The following COL4A5 variants were observed in gnomAD, a reference collection of about 807,000 sequenced individuals.
COL4A5 encodes collagen type IV alpha 5 chain.
A neutral mutation model predicts 130.2 loss-of-function variants in COL4A5; 26 were observed. The observed-to-expected ratio is 0.20, with a 90% CI of 0.15 to 0.28. The LOEUF (loss-of-function observed/expected upper bound fraction) is 0.28. Among genes scored for constraint, COL4A5 ranks in the 10% least tolerant of loss-of-function variants. The pLI is 1.00. For missense variants in COL4A5, 1,131 were observed against 1,344.3 expected (o/e 0.84, Z 2.48); for synonymous variants, 496 against 439.6 (o/e 1.13, Z -1.60).
intron 9 of COL4A5, among the ~76,000 whole-genome samples, chrX:108,574,112 A>G (rs2066108554): frequency 8.9e-6 from 1 of 111,775 alleles, no homozygotes; most frequent in African/African-American, 3.2e-5. Context: ...TAAGAAAAAA[A>G]TTTTAGCCTA....
At chrX:108,591,385 G>T (rs1808497889) in intron 20 of COL4A5, among the ~76,000 whole-genome samples, 154 bp downstream of exon 20, 1 of 112,707 alleles carries the variant, frequency 8.9e-6, no homozygotes, top group Non-Finnish European at 1.9e-5. Context: ...GTAGTTCTTG[G>T]ATGTTTACAT....
At chrX:108,619,865 T>G (rs1056841579) in intron 30 of COL4A5, among the ~76,000 whole-genome samples, 2 of 112,494 alleles carry the variant, frequency 1.8e-5, no homozygotes, top group Non-Finnish European at 3.8e-5. Flanking sequence ...AATAAGCATT[T>G]AGAAACTTTT....
At chrX:108,599,956 A>G (rs889853622) in intron 25 of COL4A5, among the ~76,000 whole-genome samples, 1 of 112,330 alleles carries the variant, frequency 8.9e-6, no homozygotes, top group African/African-American at 3.2e-5. Context: ...ATCCAGACCA[A>G]TTGTACCAAT....
intron 4 of COL4A5, among the ~76,000 whole-genome samples, chrX:108,565,362 GAAC>G (rs2065951962): frequency 1.8e-5 from 2 of 111,898 alleles, no homozygotes; most frequent in South Asian, 3.8e-4. Context: ...CTTCAAAAAT[GAAC>G]AACATTTTGA....
At chrX:108,530,573 G>A (rs1255354395) in intron 1 of COL4A5, among the ~76,000 whole-genome samples, 16 of 100,069 alleles carry the variant, frequency 1.6e-4, no homozygotes, top group Non-Finnish European at 2.6e-4. Context: ...CTCAAAAGAA[G>A]ACATTTATGC....
At chrX:108,533,551 G>A (rs1324457374) in intron 1 of COL4A5, among the ~76,000 whole-genome samples, 1 of 110,789 alleles carries the variant, frequency 9.0e-6, no homozygotes, top group Non-Finnish European at 1.9e-5. Flanking sequence ...AAAATTTTAT[G>A]TAAATATAAG....
At chrX:108,635,432 A>C (rs772628116) in intron 36 of COL4A5, among the ~76,000 whole-genome samples, 20 of 111,833 alleles carry the variant, frequency 1.8e-4, no homozygotes, top group Admixed American at 5.7e-4. Flanking sequence ...ACTCTATGGA[A>C]CTATATGAAT....
intron 1 of COL4A5, among the ~76,000 whole-genome samples, chrX:108,508,801 G>A (rs2065152915): frequency 1.8e-5 from 2 of 111,600 alleles, no homozygotes; most frequent in South Asian, 7.5e-4. Flanking sequence ...ACAAAAGCAA[G>A]CAATGGGGAA....
chrX:108,553,491 A>T (rs2065781066), intron 2 of COL4A5, among the ~76,000 whole-genome samples: 1 of 111,918 alleles, frequency 8.9e-6, no homozygotes, highest in Admixed American at 9.5e-5. Flanking sequence ...TAGATACACG[A>T]AAAGATCCTC....
intron 1 of COL4A5, among the ~76,000 whole-genome samples, chrX:108,463,275 TTTAA>T (rs1335925266): frequency 1.8e-5 from 2 of 112,342 alleles, no homozygotes; most frequent in Non-Finnish European, 1.9e-5. Context: ...TATCTCAGTA[TTTAA>T]TTAATTATGA....
intron 36 of COL4A5, among the ~76,000 whole-genome samples, chrX:108,639,975 T>C (rs2067430157): frequency 8.9e-6 from 1 of 112,438 alleles, no homozygotes; most frequent in African/African-American, 3.2e-5. Context: ...GAAAACATTA[T>C]GGCAGTTCTT....
chrX:108,606,348 T>C (rs1372471013), intron 28 of COL4A5, among the ~76,000 whole-genome samples: 1 of 111,937 alleles, frequency 8.9e-6, no homozygotes, highest in Non-Finnish European at 1.9e-5. Flanking sequence ...TCAGCACTCA[T>C]CTCTAAATAA....
rs747409489 is a variant in COL4A5, at chrX:108,666,310, G to A, written c.3455-186G>A. Among the ~76,000 whole-genome samples the A allele has an allele frequency of 7.1e-5, 8 of 112,103 alleles. No individual in the cohort carries two copies. The South Asian group carries it at 3.0e-3, about 42-fold the overall frequency. On this transcript the variant is annotated intron_variant, in intron 38 of 52. Coordinates refer to ENST00000328300, the MANE Select transcript of COL4A5 (RefSeq NM_033380.3). The stretch of plus-strand genomic sequence containing the variant: ...CTATATTAAAATGAAGAACTGAAAG[G>A]TTTTAGATGCTGAATGACTATTCCT...
chrX:108,612,669 T>C (rs1305345903), intron 29 of COL4A5, among the ~76,000 whole-genome samples: 1 of 111,488 alleles, frequency 9.0e-6, no homozygotes, highest in Non-Finnish European at 1.9e-5. Context: ...ATAAATGGAA[T>C]GGTATATTGT....
intron 42 of COL4A5, 125 bp downstream of exon 42, chrX:108,670,361 G>T: frequency 9.1e-7 from 1 of 1,100,306 alleles, no homozygotes; most frequent in Non-Finnish European, 1.2e-6. Flanking sequence ...TTACATAGTG[G>T]CTTATCTCTT....
At chrX:108,564,804 C>G (rs2065944560) in intron 4 of COL4A5, among the ~76,000 whole-genome samples, 1 of 111,428 alleles carries the variant, frequency 9.0e-6, no homozygotes, top group Non-Finnish European at 1.9e-5. Flanking sequence ...ACCATTTGAT[C>G]ATCAGAAATT....
chrX:108,693,814 T>TA (rs1335973243), intron 50 of COL4A5: 1 of 111,538 alleles, frequency 9.0e-6, no homozygotes, highest in Non-Finnish European at 1.9e-5. Context: ...AGAAATCTCT[T>TA]AGAGTTTTGC....
chrX:108,599,010 G>A, intron 25 of COL4A5, 140 bp downstream of exon 25: 2 of 534,480 alleles, frequency 3.7e-6, no homozygotes, highest in South Asian at 6.8e-5. Context: ...TCTTAGCAAG[G>A]GATCACAATG....
intron 19 of COL4A5, among the ~76,000 whole-genome samples, chrX:108,590,019 C>T (rs768151907): frequency 9.0e-6 from 1 of 111,420 alleles, no homozygotes; most frequent in Non-Finnish European, 1.9e-5. Context: ...ATGTGGCCAA[C>T]AAACATGAAA....
Sources: gnomAD v4.1 joint callset for allele counts (sites outside exome capture counted in the v4.1 genomes callset) on GRCh38, gnomAD v4.1.1 for gene constraint, MANE v1.5 for transcripts, NCBI Gene and HGNC (gene_info 2026-07-23, HGNC 2026-07-21) for gene names.